CNTN5: variants seen among roughly 807,000 people sequenced by gnomAD.
The protein encoded by CNTN5 is contactin 5.
Under a neutral mutation model 129.1 loss-of-function variants are expected in CNTN5, and 77 were observed. The ratio of observed to expected loss-of-function variants is 0.60; its 90% CI spans 0.50 to 0.72. The LOEUF (loss-of-function observed/expected upper bound fraction) is 0.72, where lower values mean the gene tolerates loss of function less well. Ranked by LOEUF, CNTN5 falls within the 30% of genes least tolerant of loss-of-function variation. The pLI, the probability that CNTN5 is intolerant of heterozygous loss-of-function variation, is 0.00. For synonymous variants in CNTN5, 509 were observed against 465.6 expected (o/e 1.09, Z -1.20); for missense variants, 1,478 against 1,328.8 (o/e 1.11, Z -1.75).
intron 1 of CNTN5, among the ~76,000 whole-genome samples, chr11:99,086,584 G>T (rs1207195520): frequency 6.6e-6 from 1 of 152,174 alleles, no homozygotes; most frequent in Non-Finnish European, 1.5e-5. Flanking sequence ...GATTCACTGG[G>T]CAGGGATTGA....
intron 6 of CNTN5, among the ~76,000 whole-genome samples, chr11:99,876,387 A>G (rs1422164096): frequency 3.9e-5 from 6 of 152,134 alleles, no homozygotes; most frequent in Non-Finnish European, 8.8e-5. Flanking sequence ...TCTTGATCCC[A>G]GGCTCCCCTC....
chr11:100,069,308 A>G (rs2137855415), intron 10 of CNTN5, among the ~76,000 whole-genome samples: 1 of 151,400 alleles, frequency 6.6e-6, no homozygotes, highest in East Asian at 1.9e-4. Context: ...ATGTGCCACC[A>G]CACCTGAATA....
chr11:99,060,789 G>T (rs970087970), intron 1 of CNTN5, among the ~76,000 whole-genome samples: 1 of 152,106 alleles, frequency 6.6e-6, no homozygotes, highest in East Asian at 1.9e-4. Flanking sequence ...TTCCCAAATA[G>T]TAGTATATTA....
intron 9 of CNTN5, among the ~76,000 whole-genome samples, chr11:100,010,446 C>G (rs956770632): frequency 1.3e-5 from 2 of 152,010 alleles, no homozygotes; most frequent in Non-Finnish European, 2.9e-5. Flanking sequence ...TGGGAAAAAA[C>G]TTGAACTGTA....
intron 1 of CNTN5, among the ~76,000 whole-genome samples, chr11:99,266,507 C>A (rs533901812): frequency 2.6e-5 from 4 of 152,128 alleles, no homozygotes; most frequent in Non-Finnish European, 5.9e-5. Flanking sequence ...GAGGCTGAGG[C>A]TGGAGGATTG....
intron 3 of CNTN5, among the ~76,000 whole-genome samples, chr11:99,783,879 G>A (rs1008991743): frequency 5.3e-5 from 8 of 151,618 alleles, no homozygotes; most frequent in African/African-American, 1.2e-4. Context: ...TAGATGACGA[G>A]TTAGTGGGTG....
At chr11:99,568,783 T>G (rs778690972) in intron 3 of CNTN5, among the ~76,000 whole-genome samples, 4 of 152,220 alleles carry the variant, frequency 2.6e-5, no homozygotes, top group Non-Finnish European at 5.9e-5. Flanking sequence ...TTCTGTTTAT[T>G]TTAGCTCTTT....
At chr11:99,626,525 C>T (rs1951138991) in intron 3 of CNTN5, among the ~76,000 whole-genome samples, 1 of 152,088 alleles carries the variant, frequency 6.6e-6, no homozygotes, top group Non-Finnish European at 1.5e-5. Flanking sequence ...TGTTGCCCTT[C>T]TTCAAGAAGT....
At chr11:99,675,109 C>T (rs1026724979) in intron 3 of CNTN5, among the ~76,000 whole-genome samples, 1 of 152,118 alleles carries the variant, frequency 6.6e-6, no homozygotes, top group African/African-American at 2.4e-5. Context: ...CTCTATTGTT[C>T]ATCCTACTAA....
Position 99,360,597 on chromosome 11 carries a change from T to C in CNTN5, c.-71+35113T>C, listed in dbSNP as rs369916237. 4.6e-5 allele frequency among the ~76,000 whole-genome samples: 7 copies of C among 152,180 alleles called. No individual in the cohort carries two copies. In the South Asian group the frequency reaches 6.2e-4, roughly 13 times the overall value. ...GCACCTTGGCCCAATGGAGTCATAC[T>C]TGAGTTTTGCCTTTCGTCATAGTTT... On this transcript the variant is annotated intron_variant, in intron 2 of 24. Coordinates refer to ENST00000524871, the MANE Select transcript of CNTN5 (RefSeq NM_014361.4).
At chr11:99,707,216 A>C (rs1954794381) in intron 3 of CNTN5, among the ~76,000 whole-genome samples, 2 of 151,278 alleles carry the variant, frequency 1.3e-5, no homozygotes, top group African/African-American at 2.4e-5. Context: ...TTCATCCCTC[A>C]CTGATTTCAA....
At chr11:99,809,152 G>C (rs574248712) in intron 3 of CNTN5, among the ~76,000 whole-genome samples, 2 of 152,112 alleles carry the variant, frequency 1.3e-5, no homozygotes, top group Non-Finnish European at 2.9e-5. Flanking sequence ...CTCTATGGGG[G>C]AGAATGATGT....
At chr11:99,022,675 A>C (rs1003647284) in intron 1 of CNTN5, among the ~76,000 whole-genome samples, 2 of 152,028 alleles carry the variant, frequency 1.3e-5, no homozygotes, top group Admixed American at 6.6e-5. Flanking sequence ...TAAGTCCATT[A>C]AAGGGAAAAA....
intron 3 of CNTN5, among the ~76,000 whole-genome samples, chr11:99,779,168 C>A (rs2135378672): frequency 1.3e-5 from 2 of 151,898 alleles, no homozygotes. Context: ...AAACAGTTTT[C>A]ATAAATGATT....
At chr11:100,052,807 T>C (rs1168069243) in intron 9 of CNTN5, among the ~76,000 whole-genome samples, 1 of 151,732 alleles carries the variant, frequency 6.6e-6, no homozygotes, top group Non-Finnish European at 1.5e-5. Context: ...AAAGATTTAC[T>C]CAATATTTAT....
chr11:99,194,857 G>A (rs1393595932), intron 1 of CNTN5, among the ~76,000 whole-genome samples: 1 of 152,122 alleles, frequency 6.6e-6, no homozygotes, highest in African/African-American at 2.4e-5. Context: ...CACCCGCCTT[G>A]TCCTCCTAAA....
At chr11:99,893,140 G>A (rs1949109169) in intron 6 of CNTN5, among the ~76,000 whole-genome samples, 1 of 152,034 alleles carries the variant, frequency 6.6e-6, no homozygotes, top group South Asian at 2.1e-4. Flanking sequence ...TCATTTAGTA[G>A]GAAAATTCCA....
intron 2 of CNTN5, among the ~76,000 whole-genome samples, chr11:99,498,274 C>A (rs567874357): frequency 1.3e-5 from 2 of 152,208 alleles, no homozygotes; most frequent in East Asian, 3.9e-4. Flanking sequence ...CTCTAAATAG[C>A]ATTATCGCAG....
At chr11:99,073,380 T>G (rs1181197023) in intron 1 of CNTN5, among the ~76,000 whole-genome samples, 5 of 148,592 alleles carry the variant, frequency 3.4e-5, no homozygotes, top group East Asian at 3.9e-4. Flanking sequence ...TTTGGTTTTT[T>G]TTTTTTTTTT....
Sources: gnomAD v4.1 joint callset for allele counts (sites outside exome capture counted in the v4.1 genomes callset) on GRCh38, gnomAD v4.1.1 for gene constraint, MANE v1.5 for transcripts, NCBI Gene and HGNC (gene_info 2026-07-23, HGNC 2026-07-21) for gene names.